PDE2A: variants seen among roughly 807,000 people sequenced by gnomAD.
The protein encoded by PDE2A is phosphodiesterase 2A.
PDE2A carries 53 observed loss-of-function variants against 133.6 expected under a neutral mutation model. The observed-to-expected ratio is 0.40, with a 90% CI of 0.32 to 0.50. PDE2A has a LOEUF of 0.50. Ranked by LOEUF, PDE2A falls within the 20% of genes least tolerant of loss-of-function variation. PDE2A has a pLI of 0.73. For missense variants in PDE2A, 796 were observed against 1,232.4 expected (o/e 0.65, Z 5.30); for synonymous variants, 491 against 490.2 (o/e 1.00, Z -0.02).
At chr11:72,583,005 C>T (rs1344218410) in intron 20 of PDE2A, among the ~76,000 whole-genome samples, 1 of 152,188 alleles carries the variant, frequency 6.6e-6, no homozygotes, top group Non-Finnish European at 1.5e-5. Flanking sequence ...CAGCGACTAC[C>T]ATATACATGG....
chr11:72,613,328 T>A (rs1488090150), intron 2 of PDE2A, among the ~76,000 whole-genome samples: 1 of 151,956 alleles, frequency 6.6e-6, no homozygotes, highest in Non-Finnish European at 1.5e-5. Context: ...TCACACTGAT[T>A]CATGCAACTC....
rs554934368 is a variant in PDE2A, at chr11:72,581,740, G to A, written c.1922+137C>T. On this transcript the variant is annotated intron_variant, in intron 22 of 30. Transcript: ENST00000334456. ...TGTCTAGGAATTGCTTCTCATTCAT[G>A]GATCCTCCCCACCCCCATAAGACTG... 1.8e-5 allele frequency: 16 copies of A among 892,220 alleles called. No individual in the cohort carries two copies. The East Asian group carries it at 3.3e-4, about 19-fold the overall frequency. 55.3% of individuals were successfully genotyped at this position (892,220 alleles called of 1,614,324 possible).
intron 2 of PDE2A, among the ~76,000 whole-genome samples, chr11:72,610,706 A>G (rs1857170858): frequency 6.6e-6 from 1 of 152,164 alleles, no homozygotes; most frequent in Non-Finnish European, 1.5e-5. Flanking sequence ...CCCAAATTGG[A>G]TCACTTGTCT....
In PDE2A at chr11:72,591,357, C is replaced by T; in HGVS notation, c.490-1G>A. ...TATCACTCAGCTGGCCACAGTGCAC[C>T]TGGAGGGATGGGAGAAGGGAACTAG... is the stretch of plus-strand genomic sequence containing the variant. On this transcript the variant is annotated splice_acceptor_variant, in intron 6 of 30. Coordinates refer to ENST00000334456, the MANE Select transcript of PDE2A (RefSeq NM_002599.5). LOFTEE classifies it high-confidence loss of function. The T allele has an allele frequency of 6.2e-7, 1 of 1,613,380 alleles. No individual in the cohort carries two copies. The highest frequency in any genetic ancestry group is 8.5e-7 in the Non-Finnish European group (1 of 1,179,394).
chr11:72,666,875 G>A (rs1258001530), intron 1 of PDE2A, among the ~76,000 whole-genome samples: 3 of 152,218 alleles, frequency 2.0e-5, no homozygotes, highest in African/African-American at 7.2e-5. Flanking sequence ...GGAGGCCAAG[G>A]TGGGTGGATC....
intron 2 of PDE2A, among the ~76,000 whole-genome samples, chr11:72,635,621 T>A (rs1323224506): frequency 6.6e-6 from 1 of 152,198 alleles, no homozygotes; most frequent in African/African-American, 2.4e-5. Context: ...AATTCCAGAT[T>A]CTCAAAATCC....
chr11:72,640,307 T>G, intron 2 of PDE2A, among the ~76,000 whole-genome samples: 1 of 151,764 alleles, frequency 6.6e-6, no homozygotes, highest in East Asian at 1.9e-4. Flanking sequence ...GCACACCTAA[T>G]GTCACACGTT....
intron 1 of PDE2A, among the ~76,000 whole-genome samples, chr11:72,659,107 A>G (rs1466053832): frequency 6.6e-6 from 1 of 151,906 alleles, no homozygotes; most frequent in Non-Finnish European, 1.5e-5. Flanking sequence ...TTCTGGTGAT[A>G]AAGGAACCTG....
chr11:72,578,610 G>T lies in PDE2A; in HGVS notation c.2470-96C>A. On this transcript the variant is annotated intron_variant, in intron 28 of 30. Coordinates refer to ENST00000334456, the MANE Select transcript of PDE2A (RefSeq NM_002599.5). This position sits in a 1 kb window ranked among gnomAD's most constrained non-coding sequence, Gnocchi z 4.2. ...TCCCAGGAGAGAAAACTGAGGCCCA[G>T]GGATTCAGTCCCAGCTCAGGAGCCG... is the stretch of plus-strand genomic sequence containing the variant. 1 of 1,096,506 alleles carries T rather than the reference G, an allele frequency of 9.1e-7. No homozygotes were observed. The highest frequency in any genetic ancestry group is 1.4e-6 in the Non-Finnish European group (1 of 717,160). 67.9% of individuals were successfully genotyped at this position (1,096,506 alleles called of 1,614,324 possible).
At chr11:72,611,746 G>A (rs568420814) in intron 2 of PDE2A, among the ~76,000 whole-genome samples, 2 of 152,210 alleles carry the variant, frequency 1.3e-5, no homozygotes, top group Non-Finnish European at 2.9e-5. Flanking sequence ...CCCAGGAATG[G>A]AGGGTGTTGG....
At chr11:72,658,600 T>C (rs1163631793) in intron 1 of PDE2A, among the ~76,000 whole-genome samples, 2 of 152,104 alleles carry the variant, frequency 1.3e-5, no homozygotes, top group Non-Finnish European at 2.9e-5. Flanking sequence ...CCCAAAGTGC[T>C]GGGGATTACA....
At position 72,591,450 on chromosome 11, in the gene PDE2A, A is replaced by G. The variant is rs952590388; in HGVS notation, c.490-94T>C. The G allele has an allele frequency of 1.4e-5, 12 of 861,576 alleles. No homozygotes were observed. In the South Asian group the frequency reaches 1.7e-4, roughly 12 times the overall value. 53.4% of individuals were successfully genotyped at this position (861,576 alleles called of 1,614,324 possible). A position where few individuals can be genotyped will look rare whatever the true frequency, so the allele number is the denominator to read the frequency against. ...CCATGCGCAGCACACACTGGTCCCC[A>G]CCAACACATACACACTCCAGTCTGT... On this transcript the variant is annotated intron_variant, in intron 6 of 30. Coordinates refer to ENST00000334456, the MANE Select transcript of PDE2A (RefSeq NM_002599.5).
intron 4 of PDE2A, chr11:72,599,001 TA>T: frequency 2.0e-6 from 2 of 985,356 alleles, no homozygotes; most frequent in Non-Finnish European, 2.4e-6. Flanking sequence ...TCCTGATGAT[TA>T]AACTGATGAA....
At chr11:72,629,879 C>G (rs750261053) in intron 2 of PDE2A, among the ~76,000 whole-genome samples, 2 of 152,136 alleles carry the variant, frequency 1.3e-5, no homozygotes, top group Non-Finnish European at 2.9e-5. Flanking sequence ...AATAATTAAA[C>G]AAGGTGGGTG....
intron 4 of PDE2A, chr11:72,598,642 A>G (rs950079296): frequency 7.8e-7 from 1 of 1,289,080 alleles, no homozygotes; most frequent in Non-Finnish European, 1.0e-6. Flanking sequence ...AACTGTGTGC[A>G]TACAGGGTCA....
intron 2 of PDE2A, among the ~76,000 whole-genome samples, chr11:72,624,971 C>A (rs778920684): frequency 1.0e-4 from 16 of 152,382 alleles, no homozygotes; most frequent in Non-Finnish European, 2.2e-4. Context: ...CTGGGTCCCA[C>A]AAGCTTGGCC....
intron 1 of PDE2A, among the ~76,000 whole-genome samples, chr11:72,652,196 G>C (rs1209518136): frequency 1.3e-5 from 2 of 152,368 alleles, no homozygotes; most frequent in East Asian, 3.9e-4. Flanking sequence ...GGAGAAATTA[G>C]TCAAGCCCAT....
At chr11:72,627,287 A>G (rs1270163212) in intron 2 of PDE2A, among the ~76,000 whole-genome samples, 3 of 152,214 alleles carry the variant, frequency 2.0e-5, no homozygotes, top group Non-Finnish European at 4.4e-5. Context: ...GGGGAAGGAT[A>G]CACTACCCAC....
intron 2 of PDE2A, among the ~76,000 whole-genome samples, chr11:72,640,158 C>T (rs1196525792): frequency 6.6e-6 from 1 of 151,954 alleles, no homozygotes; most frequent in African/African-American, 2.4e-5. Flanking sequence ...TCACTTCACA[C>T]CACACTCACA....
Sources: allele counts gnomAD v4.1 joint callset (sites outside exome capture counted in the v4.1 genomes callset), GRCh38; gene constraint gnomAD v4.1.1; non-coding constraint Gnocchi (gnomAD v3.1); transcripts MANE v1.5; gene names NCBI Gene and HGNC (gene_info 2026-07-23, HGNC 2026-07-21).